Variants in PLCE1 observed in about 807,000 individuals in gnomAD.
The protein encoded by PLCE1 is phospholipase C epsilon 1, also known as 1-phosphatidylinositol 4,5-bisphosphate phosphodiesterase epsilon-1.
PLCE1 carries 119 observed loss-of-function variants against 242.8 expected under a neutral mutation model. The ratio of observed to expected loss-of-function variants is 0.49; its 90% CI spans 0.42 to 0.57. The LOEUF (loss-of-function observed/expected upper bound fraction) is 0.57, where lower values mean the gene tolerates loss of function less well. Among genes scored for constraint, PLCE1 ranks in the 20% least tolerant of loss-of-function variants. PLCE1 has a pLI of 0.00. For synonymous variants in PLCE1, 945 were observed against 1,017.4 expected, an observed-to-expected ratio of 0.93 and a Z score of 1.35; for missense variants, 2,441 against 2,788.8, an observed-to-expected ratio of 0.88 and a Z score of 2.81.
intron 7 of PLCE1, among the ~76,000 whole-genome samples, chr10:94,239,269 A>G (rs977617127): frequency 6.6e-6 from 1 of 152,176 alleles, no homozygotes; most frequent in South Asian, 2.1e-4. Context: ...CAAGGGAGAG[A>G]CCAGGTGGAG....
chr10:94,180,022 CA>C (rs1287148631), intron 4 of PLCE1, among the ~76,000 whole-genome samples: 1 of 151,940 alleles, frequency 6.6e-6, no homozygotes, highest in Non-Finnish European at 1.5e-5. Flanking sequence ...TGATCACCCC[CA>C]CTTAACAGGT....
intron 2 of PLCE1, among the ~76,000 whole-genome samples, chr10:94,074,342 C>T (rs1464123510): frequency 6.6e-6 from 1 of 151,934 alleles, no homozygotes; most frequent in Non-Finnish European, 1.5e-5. Flanking sequence ...CACAGATGTA[C>T]ACCACCACAC....
Position 94,325,154 on chromosome 10 carries a change from TTTGTAAGGAAGGCATAATTA to T in PLCE1, c.*24+51_*24+70del. On this transcript the variant is annotated intron_variant, in intron 32 of 32. Coordinates refer to ENST00000371380, the MANE Select transcript of PLCE1 (RefSeq NM_016341.4). ...TGGAACAGGGCTTAACTTAAACTAC[TTTGTAAGGAAGGCATAATTA>T]GTACAATGTCTTTTATCTTTTCCAA... is the stretch of plus-strand genomic sequence containing the variant. 7 of 1,292,412 alleles carry T rather than the reference TTTGTAAGGAAGGCATAATTA, an allele frequency of 5.4e-6. No homozygotes were observed. The South Asian group carries it at 8.3e-5, about 15-fold the overall frequency. 80.1% of individuals were successfully genotyped at this position (1,292,412 alleles called of 1,614,324 possible).
At chr10:94,082,435 C>A (rs916913967) in intron 2 of PLCE1, among the ~76,000 whole-genome samples, 1 of 152,080 alleles carries the variant, frequency 6.6e-6, no homozygotes, top group African/African-American at 2.4e-5. Context: ...TTCCTGCTCC[C>A]GGGACTGGAG....
At chr10:94,161,898 C>T (rs1023682330) in intron 3 of PLCE1, among the ~76,000 whole-genome samples, 2 of 152,152 alleles carry the variant, frequency 1.3e-5, no homozygotes, top group Admixed American at 6.5e-5. Context: ...GCCTTTTCTG[C>T]ATCTATTGAG....
chr10:94,116,737 T>TA (rs1217292678), intron 2 of PLCE1, among the ~76,000 whole-genome samples: 1 of 151,928 alleles, frequency 6.6e-6, no homozygotes, highest in East Asian at 1.9e-4. Context: ...GGGTAAAACA[T>TA]AAAAAAGCTG....
At chr10:94,106,069 C>T (rs1208264730) in intron 2 of PLCE1, 1 of 152,196 alleles carries the variant, frequency 6.6e-6, no homozygotes, top group Non-Finnish European at 1.5e-5. Context: ...GATTCAAACT[C>T]AGGAAGTGTG....
chr10:94,177,010 A>G (rs2048147423), intron 4 of PLCE1, among the ~76,000 whole-genome samples: 2 of 152,066 alleles, frequency 1.3e-5, no homozygotes, highest in African/African-American at 4.8e-5. Flanking sequence ...CATGAGCAAG[A>G]CTCATGGTTT....
At chr10:94,177,945 G>C (rs1274160730) in intron 4 of PLCE1, among the ~76,000 whole-genome samples, 1 of 152,182 alleles carries the variant, frequency 6.6e-6, no homozygotes. Flanking sequence ...GTGGAGTGAG[G>C]GGGAGGATCT....
At chr10:94,260,155 C>T (rs934759614) in intron 13 of PLCE1, among the ~76,000 whole-genome samples, 1 of 152,116 alleles carries the variant, frequency 6.6e-6, no homozygotes, top group Non-Finnish European at 1.5e-5. Context: ...GTGGAGAACC[C>T]CCAGTCTCTT....
At chr10:94,019,753 T>A (rs1287077203) in intron 1 of PLCE1, among the ~76,000 whole-genome samples, 1 of 152,046 alleles carries the variant, frequency 6.6e-6, no homozygotes, top group African/African-American at 2.4e-5. Context: ...ACAGCACAGA[T>A]CTAAACTTCA....
chr10:94,084,936 G>A (rs747935705), intron 2 of PLCE1, among the ~76,000 whole-genome samples: 2 of 152,090 alleles, frequency 1.3e-5, no homozygotes, highest in East Asian at 3.9e-4. Flanking sequence ...TCCATTTGTG[G>A]CATTAAACAG....
intron 4 of PLCE1, among the ~76,000 whole-genome samples, chr10:94,208,382 A>G (rs562764058): frequency 3.3e-5 from 5 of 152,242 alleles, no homozygotes; most frequent in Admixed American, 6.5e-5. Context: ...AAGGCCTGTA[A>G]TCTTTGAAAT....
intron 3 of PLCE1, among the ~76,000 whole-genome samples, chr10:94,151,810 G>A (rs1380297946): frequency 2.0e-5 from 3 of 152,118 alleles, no homozygotes; most frequent in Non-Finnish European, 4.4e-5. Context: ...TTGGGGTTGG[G>A]CTTAAAGTTG....
rs2061545849 is a variant in PLCE1, at chr10:94,030,980, A to C, written c.-67A>C. 2 of 1,519,956 alleles carry C rather than the reference A, an allele frequency of 1.3e-6. No individual in the cohort carries two copies. Among genetic ancestry groups the C allele is most frequent in the African/African-American group, 2.7e-5 (2 of 73,030 alleles). 94.2% of individuals were successfully genotyped at this position (1,519,956 alleles called of 1,614,324 possible). A position where few individuals can be genotyped will look rare whatever the true frequency, so the allele number is the denominator to read the frequency against. On this transcript the variant is annotated 5_prime_UTR_variant, in exon 2 of 33. Coordinates refer to ENST00000371380, the MANE Select transcript of PLCE1 (RefSeq NM_016341.4). ...TGTTGTAATAATCAGTCATTTTATT[A>C]AAACCTTGACATGATCACCAGGGAG... is the stretch of plus-strand genomic sequence containing the variant.
chr10:94,193,016 T>A (rs1449959401), intron 4 of PLCE1, among the ~76,000 whole-genome samples: 1 of 152,254 alleles, frequency 6.6e-6, no homozygotes, highest in Non-Finnish European at 1.5e-5. Flanking sequence ...CTCATTTATG[T>A]GTTGGCTACA....
At chr10:94,007,704 T>C (rs1254086007) in intron 1 of PLCE1, among the ~76,000 whole-genome samples, 4 of 140,022 alleles carry the variant, frequency 2.9e-5, no homozygotes, top group African/African-American at 8.2e-5. Context: ...ACTTTCTTTT[T>C]TTTTTTTTTT....
At chr10:94,063,861 G>A (rs78932759) in intron 2 of PLCE1, among the ~76,000 whole-genome samples, 1,706 of 152,274 alleles carry the variant, frequency 0.011, 36 homozygotes, top group African/African-American at 0.038. Flanking sequence ...ATTAGTTAAA[G>A]TCAAGGAGGG....
At chr10:94,110,078 T>TTTTTC (rs2045903993) in intron 2 of PLCE1, among the ~76,000 whole-genome samples, 1 of 139,414 alleles carries the variant, frequency 7.2e-6, no homozygotes, top group Non-Finnish European at 1.6e-5. Context: ...TTTTTTTTTT[T>TTTTTC]TTGAGATGGA....
Sources: gnomAD v4.1 joint callset for allele counts (sites outside exome capture counted in the v4.1 genomes callset) on GRCh38, gnomAD v4.1.1 for gene constraint, MANE v1.5 for transcripts, NCBI Gene and HGNC (gene_info 2026-07-23, HGNC 2026-07-21) for gene names.